Variants in ZSCAN5A observed in about 807,000 individuals in gnomAD.
ZSCAN5A encodes zinc finger and SCAN domain-containing protein 5A.
A neutral mutation model predicts 23.7 loss-of-function variants in ZSCAN5A; 12 were observed. That is an observed-to-expected ratio of 0.51 (90% CI 0.32 to 0.82). The LOEUF (loss-of-function observed/expected upper bound fraction) is 0.82. Among genes scored for constraint, ZSCAN5A ranks in the 40% least tolerant of loss-of-function variants. ZSCAN5A has a pLI of 0.03. For missense variants in ZSCAN5A, 597 were observed against 617.9 expected (o/e 0.97, Z 0.36); for synonymous variants, 257 against 239.9 (o/e 1.07, Z -0.66).
At chr19:56,329,633 AAT>A (rs891903162) in intron 2 of ZSCAN5A, among the ~76,000 whole-genome samples, 4 of 152,080 alleles carry the variant, frequency 2.6e-5, no homozygotes, top group Non-Finnish European at 4.4e-5. Flanking sequence ...AAAATAGAAA[AAT>A]AGAGAAAGTC....
At chr19:56,348,993 T>C (rs1033984690) in intron 2 of ZSCAN5A, among the ~76,000 whole-genome samples, 1 of 152,182 alleles carries the variant, frequency 6.6e-6, no homozygotes, top group Non-Finnish European at 1.5e-5. Flanking sequence ...TCAGGATGGC[T>C]ACAGTCAGGA....
intron 2 of ZSCAN5A, among the ~76,000 whole-genome samples, chr19:56,299,266 G>C (rs1221521240): frequency 6.6e-6 from 1 of 151,614 alleles, no homozygotes; most frequent in Admixed American, 6.6e-5. Context: ...TGAGTAGCTG[G>C]GACCACAGGC....
chr19:56,294,104 C>T (rs2039700000), intron 2 of ZSCAN5A, among the ~76,000 whole-genome samples: 1 of 152,206 alleles, frequency 6.6e-6, no homozygotes, highest in African/African-American at 2.4e-5. Context: ...AAAGCAGACC[C>T]AGCAGGAAAA....
chr19:56,326,954 C>T (rs2041439878), intron 2 of ZSCAN5A, among the ~76,000 whole-genome samples: 1 of 152,128 alleles, frequency 6.6e-6, no homozygotes, highest in Non-Finnish European at 1.5e-5. Context: ...CAAACATTCA[C>T]TCAGTGCTAT....
chr19:56,365,055 T>C (rs957735671), intron 1 of ZSCAN5A: 4 of 152,222 alleles, frequency 2.6e-5, no homozygotes, highest in African/African-American at 9.6e-5. Flanking sequence ...AAAACATCCA[T>C]TCCTGGAAAC....
In ZSCAN5A at chr19:56,246,545, T is replaced by G. The variant is rs528155633; in HGVS notation, c.-127-21372A>C. 2.4e-5 allele frequency: 16 copies of G among 665,546 alleles called. No individual in the cohort carries two copies. In the South Asian group the frequency reaches 2.9e-4, roughly 12 times the overall value. The allele number at this position is 665,546 out of a possible 1,614,324, so 41.2% of individuals were successfully genotyped here. On this transcript the variant is annotated intron_variant, in intron 2 of 5. Transcript: ENST00000683990. ...GGGCTGGGGTCCCAGCATTATCATG[T>G]CTGGGGGAGTTGGCACTCAGCTGCC...
chr19:56,239,925 A>G (rs1038907073), intron 2 of ZSCAN5A, among the ~76,000 whole-genome samples: 14 of 152,234 alleles, frequency 9.2e-5, no homozygotes, highest in African/African-American at 3.4e-4. Context: ...GCACTTTGGG[A>G]GGCCGAGGTG....
chr19:56,311,223 A>C (rs1378229013), intron 2 of ZSCAN5A, among the ~76,000 whole-genome samples: 2 of 152,068 alleles, frequency 1.3e-5, no homozygotes, highest in African/African-American at 4.8e-5. Context: ...AAAAAGAAAA[A>C]GATCATCCCT....
Position 56,225,111 on chromosome 19 carries a change from T to C in ZSCAN5A, c.-65A>G, listed in dbSNP as rs557087803. ...CTTCCAGTAGCTGGTATCTAATTGA[T>C]ACCTATCTACACAGGCTTCCTCTGG... On this transcript the variant is annotated 5_prime_UTR_variant, in exon 3 of 6. Transcript: ENST00000683990. 2.5e-5 allele frequency: 38 copies of C among 1,516,038 alleles called. No individual in the cohort carries two copies. The East Asian group carries it at 7.0e-4, about 28-fold the overall frequency. 93.9% of individuals were successfully genotyped at this position (1,516,038 alleles called of 1,614,324 possible).
In ZSCAN5A at chr19:56,322,685, A is replaced by C. The variant is rs560868373; in HGVS notation, c.-357-6417T>G. On this transcript the variant is annotated intron_variant, in intron 2 of 6. Coordinates refer to the ZSCAN5A transcript ENST00000587340. Reference sequence around the variant, plus strand: ...CCTCTCAGTATGTCTGTAGGGGATTAGTTCTAGGATCATCTCAGGCACCAA... The same window carrying C: ...CCTCTCAGTATGTCTGTAGGGGATTCGTTCTAGGATCATCTCAGGCACCAA... Among the ~76,000 whole-genome samples, 14 of 152,256 alleles carry C rather than the reference A, an allele frequency of 9.2e-5. No individual in the cohort carries two copies. The South Asian group carries it at 2.9e-3, about 32-fold the overall frequency.
intron 2 of ZSCAN5A, among the ~76,000 whole-genome samples, chr19:56,287,088 G>T (rs2039181486): frequency 6.6e-6 from 1 of 152,202 alleles, no homozygotes; most frequent in African/African-American, 2.4e-5. Flanking sequence ...ATGGATTCTG[G>T]AGTCTAAAGT....
intron 2 of ZSCAN5A, among the ~76,000 whole-genome samples, chr19:56,285,602 AT>A (rs1260956544): frequency 6.6e-6 from 1 of 151,722 alleles, no homozygotes; most frequent in African/African-American, 2.4e-5. Flanking sequence ...TTCCTAACAT[AT>A]TTTGATTTGT....
chr19:56,224,949 A>G lies in ZSCAN5A; in HGVS notation c.98T>C (p.Leu33Pro). The change falls in exon 3 of 6, where the codon CTT (leucine) becomes CCT (proline). Residue 33 changes from leucine (L) to proline (P), a missense_variant. Around this residue, in one of 5 missense-constraint regions of ZSCAN5A, gnomAD observed 72 missense variants for 76.8 expected, o/e 0.94. Coordinates refer to ENST00000683990, the MANE Select transcript of ZSCAN5A (RefSeq NM_001322064.3). ...CTCAGGGTCCACGTCGTGATTTCCA[A>G]GTTGAGTTTCTGAGGATGCCATAGA... is the stretch of plus-strand genomic sequence containing the variant. ...PRSMASSETQ[L>P]GNHDVDPEIS... 6.2e-7 allele frequency: 1 copy of G among 1,614,154 alleles called. No homozygotes were observed. Among genetic ancestry groups the G allele is most frequent in the East Asian group, 2.2e-5 (1 of 44,886 alleles).
At chr19:56,320,676 T>G (rs2041366392) in intron 2 of ZSCAN5A, 2 of 781,518 alleles carry the variant, frequency 2.6e-6, no homozygotes, top group Non-Finnish European at 4.7e-6. Flanking sequence ...TCCACGGTGG[T>G]GCAGGAATAC....
At chr19:56,304,673 G>C (rs2040568271) in intron 2 of ZSCAN5A, 1 of 450,498 alleles carries the variant, frequency 2.2e-6, no homozygotes, top group Non-Finnish European at 2.9e-6. Context: ...GGAAAGAGCA[G>C]AGGGGGAGGA....
intron 2 of ZSCAN5A, among the ~76,000 whole-genome samples, chr19:56,259,743 G>A (rs2036983745): frequency 6.6e-6 from 1 of 152,258 alleles, no homozygotes; most frequent in African/African-American, 2.4e-5. Flanking sequence ...GGAGGCCAAG[G>A]CAGGTGAACT....
intron 2 of ZSCAN5A, chr19:56,320,513 G>A (rs2041363963): frequency 2.4e-6 from 1 of 411,578 alleles, no homozygotes; most frequent in African/African-American, 2.0e-5. Flanking sequence ...TCGGGAGGAT[G>A]AGGCAGGAGA....
rs1478947302 is a variant in ZSCAN5A, at chr19:56,229,579, T to C, written c.-127-4406A>G. Among the ~76,000 whole-genome samples, 6 of 152,348 alleles carry C rather than the reference T, an allele frequency of 3.9e-5. No individual in the cohort carries two copies. In the South Asian group the frequency reaches 8.3e-4, roughly 21 times the overall value. On this transcript the variant is annotated intron_variant, in intron 2 of 5. Transcript: ENST00000683990. ...ACTGGGAGCTGCCTAAGCCACTCTC[T>C]GGCTACCCAATTCCCGATTCCCCTA... is the stretch of plus-strand genomic sequence containing the variant.
At chr19:56,354,894 C>T (rs1055541723) in intron 2 of ZSCAN5A, among the ~76,000 whole-genome samples, 1 of 152,194 alleles carries the variant, frequency 6.6e-6, no homozygotes, top group Non-Finnish European at 1.5e-5. Flanking sequence ...TTGTTCCAAT[C>T]TACTGTGTCA....
Sources: gnomAD v4.1 joint callset for allele counts (sites outside exome capture counted in the v4.1 genomes callset) on GRCh38, gnomAD v4.1.1 for gene constraint, gnomAD v4.1.1 regional missense constraint, MANE v1.5 for transcripts, NCBI Gene and HGNC (gene_info 2026-07-23, HGNC 2026-07-21) for gene names.